The following ACVR1C variants were observed in gnomAD, a reference collection of about 807,000 sequenced individuals.
ACVR1C encodes the protein activin receptor type-1C.
Under a neutral mutation model 57.9 loss-of-function variants are expected in ACVR1C, and 23 were observed. The ratio of observed to expected loss-of-function variants is 0.40; its 90% confidence interval spans 0.29 to 0.56. ACVR1C has a LOEUF of 0.56. ACVR1C is among the 20% of genes least tolerant of loss of function. The probability of loss-of-function intolerance (pLI) is 0.50; values close to 1 mark genes in which losing one functional copy is unlikely to be tolerated. For missense variants in ACVR1C, 480 were observed against 607.9 expected, an observed-to-expected ratio of 0.79 and a Z score of 2.21; for synonymous variants, 214 against 215.3, an observed-to-expected ratio of 0.99 and a Z score of 0.05.
At chr2:157,554,263 GA>G (rs1558975092) in intron 3 of ACVR1C, among the ~76,000 whole-genome samples, 2 of 127,614 alleles carry the variant, frequency 1.6e-5, no homozygotes, top group Non-Finnish European at 3.2e-5. Flanking sequence ...AAGAAAGAAA[GA>G]AAGAAAGGAA....
rs1040008507 is a variant in ACVR1C at position 157,531,050 on chromosome 2, T to C, written c.*2868A>G. On this transcript the variant is annotated 3_prime_UTR_variant, in exon 9 of 9. Transcript: ENST00000243349. ...TAAGGAGTAAAGAACACTGATACTCTGAACATAACCTAAGGAGAATTTTTT... is the reference window on the plus strand; with the variant it reads ...TAAGGAGTAAAGAACACTGATACTCCGAACATAACCTAAGGAGAATTTTTT... 6.6e-6 allele frequency: 1 copy of C among 151,548 alleles called. No homozygotes were observed. Among genetic ancestry groups the C allele is most frequent in the Admixed American group, 6.6e-5 (1 of 15,198 alleles). 9.4% of individuals were successfully genotyped at this position (151,548 alleles called of 1,614,324 possible). A position where few individuals can be genotyped will look rare whatever the true frequency, so the allele number is the denominator to read the frequency against.
At chr2:157,554,225 A>AAGAAAGAAAGAG (rs1558974903) in intron 3 of ACVR1C, among the ~76,000 whole-genome samples, 16 of 122,884 alleles carry the variant, frequency 1.3e-4, no homozygotes, top group Non-Finnish European at 2.1e-4. Flanking sequence ...GAAAGAAAGA[A>AAGAAAGAAAGAG]AGAAAGAAAG....
chr2:157,548,255 A>G (rs1687817072), intron 4 of ACVR1C, among the ~76,000 whole-genome samples: 1 of 150,654 alleles, frequency 6.6e-6, no homozygotes, highest in East Asian at 1.9e-4. Flanking sequence ...AGAACTACAA[A>G]CCACTGCTCA....
At chr2:157,622,933 T>TA (rs927246415) in intron 1 of ACVR1C, among the ~76,000 whole-genome samples, 3 of 151,740 alleles carry the variant, frequency 2.0e-5, no homozygotes, top group Admixed American at 6.6e-5. Context: ...AATAATCCAA[T>TA]AAAAAAATTG....
chr2:157,597,678 A>C, intron 1 of ACVR1C: 99 of 510,652 alleles, frequency 1.9e-4, no homozygotes, highest in Non-Finnish European at 2.1e-4. Context: ...AGCATTTCTC[A>C]AGCATTTTTA....
chr2:157,588,516 G>C (rs1311395071), intron 1 of ACVR1C, among the ~76,000 whole-genome samples: 1 of 151,678 alleles, frequency 6.6e-6, no homozygotes, highest in Non-Finnish European at 1.5e-5. Context: ...TGAAGTCTCA[G>C]CTTTCAGTGT....
At position 157,566,885 on chromosome 2, in the gene ACVR1C, G is replaced by A. The variant is rs957767433; in HGVS notation, c.305-10553C>T. 7.3e-5 allele frequency among the ~76,000 whole-genome samples: 11 copies of A among 151,642 alleles called. No homozygotes were observed. In the East Asian group the frequency reaches 7.8e-4, roughly 11 times the overall value. ...CACCACAGCTCAAGGAGGCCTGCCT[G>A]CCTCTGTAGGCTCCACCTCTGGGGG... is the stretch of plus-strand genomic sequence containing the variant. On this transcript the variant is annotated intron_variant, in intron 2 of 8. Coordinates refer to ENST00000243349, the MANE Select transcript of ACVR1C (RefSeq NM_145259.3).
At chr2:157,615,288 G>A (rs564641223) in intron 1 of ACVR1C, among the ~76,000 whole-genome samples, 30 of 148,650 alleles carry the variant, frequency 2.0e-4, no homozygotes, top group Middle Eastern at 3.4e-3. Flanking sequence ...GCACTGTAGT[G>A]AGACCCTGTC....
intron 2 of ACVR1C, among the ~76,000 whole-genome samples, chr2:157,567,382 C>T (rs1299928272): frequency 1.1e-5 from 1 of 93,172 alleles, no homozygotes; most frequent in African/African-American, 5.0e-5. Flanking sequence ...TTTTGACGAG[C>T]TGAGAGAAGA....
chr2:157,543,427 A>G (rs987973118), intron 5 of ACVR1C, among the ~76,000 whole-genome samples: 1 of 152,252 alleles, frequency 6.6e-6, no homozygotes, highest in African/African-American at 2.4e-5. Flanking sequence ...AATGTAAAAC[A>G]AAACCATTAT....
Position 157,578,345 on chromosome 2 carries a change from T to A in ACVR1C, c.304+8842A>T, listed in dbSNP as rs1461792847. On this transcript the variant is annotated intron_variant, in intron 2 of 8. Transcript: ENST00000243349. ...TTTTAAAGCATTAATGCTTAAAAATTCTTTTACCCTTCTCCTAGACAGAAT... is the reference window on the plus strand; with the variant it reads ...TTTTAAAGCATTAATGCTTAAAAATACTTTTACCCTTCTCCTAGACAGAAT... Among the ~76,000 whole-genome samples the A allele has an allele frequency of 3.3e-5, 5 of 152,204 alleles. No individual in the cohort carries two copies. In the South Asian group the frequency reaches 1.0e-3, roughly 32 times the overall value.
chr2:157,555,984 C>A (rs1688089306), intron 3 of ACVR1C, 109 bp downstream of exon 3: 1 of 1,296,046 alleles, frequency 7.7e-7, no homozygotes, highest in South Asian at 1.6e-5. Flanking sequence ...ACCATGTATC[C>A]TTTCAAGACG....
Position 157,538,716 on chromosome 2 carries a change from T to C in ACVR1C, c.1226-13A>G. The stretch of plus-strand genomic sequence containing the variant: ...TCCTCAACAATTCCTGTAAGAAATT[T>C]GTATAATAAATTTCCATGTGCAAAT... On this transcript the variant is annotated splice_polypyrimidine_tract_variant and intron_variant, in intron 7 of 8. Transcript: ENST00000243349. 3 of 1,461,170 alleles carry C rather than the reference T, an allele frequency of 2.1e-6. No homozygotes were observed. Among genetic ancestry groups the C allele is most frequent in the Non-Finnish European group, 2.7e-6 (3 of 1,105,948 alleles). The allele number at this position is 1,461,170 out of a possible 1,614,324, so 90.5% of individuals were successfully genotyped here.
chr2:157,562,938 C>T (rs1688276823), intron 2 of ACVR1C, among the ~76,000 whole-genome samples: 1 of 152,022 alleles, frequency 6.6e-6, no homozygotes, highest in Admixed American at 6.6e-5. Flanking sequence ...ATTAAAAACC[C>T]TCAATAAAGT....
At chr2:157,557,060 T>C (rs1573918092) in intron 2 of ACVR1C, among the ~76,000 whole-genome samples, 2 of 152,010 alleles carry the variant, frequency 1.3e-5, no homozygotes, top group South Asian at 4.1e-4. Context: ...GTACTGGAGA[T>C]ACAATGGTGA....
At chr2:157,562,952 T>C (rs1688277274) in intron 2 of ACVR1C, among the ~76,000 whole-genome samples, 1 of 152,100 alleles carries the variant, frequency 6.6e-6, no homozygotes, top group African/African-American at 2.4e-5. Context: ...ATAAAGTAGG[T>C]ATACATGGAA....
At chr2:157,628,510 AC>A in intron 1 of ACVR1C, 61 bp downstream of exon 1, 1 of 1,545,206 alleles carries the variant, frequency 6.5e-7, no homozygotes, top group Non-Finnish European at 8.8e-7. Flanking sequence ...CCCCGTGCTC[AC>A]CCGCAGACCT....
intron 3 of ACVR1C, among the ~76,000 whole-genome samples, chr2:157,554,354 AGAAAGAAAGAAAGAAGGG>A (rs375292932): frequency 7.1e-6 from 1 of 139,958 alleles, no homozygotes; most frequent in African/African-American, 2.7e-5. Flanking sequence ...AGAAAGAAAG[AGAAAGAAAGAAAGAAGGG>A]AGGGAGGGAG....
chr2:157,581,014 C>T (rs903224917), intron 2 of ACVR1C, among the ~76,000 whole-genome samples: 1 of 152,114 alleles, frequency 6.6e-6, no homozygotes, highest in African/African-American at 2.4e-5. Flanking sequence ...CCCTTACAGG[C>T]AGGCTTAGAG....
Sources: gnomAD v4.1 joint callset for allele counts (sites outside exome capture counted in the v4.1 genomes callset) on GRCh38, gnomAD v4.1.1 for gene constraint, MANE v1.5 for transcripts, NCBI Gene and HGNC (gene_info 2026-07-23, HGNC 2026-07-21) for gene names.